The following GPHN variants were observed in gnomAD, a reference collection of about 807,000 sequenced individuals.
GPHN encodes gephyrin.
In GPHN, 17 loss-of-function variants were observed where a neutral mutation model predicts 95.5. The observed-to-expected ratio is 0.18, with a 90% CI of 0.12 to 0.27. GPHN has a LOEUF of 0.27. Among genes scored for constraint, GPHN ranks in the 10% least tolerant of loss-of-function variants. The pLI is 1.00. For missense variants in GPHN, 660 were observed against 978.1 expected (o/e 0.67, Z 4.34); for synonymous variants, 320 against 322.5 (o/e 0.99, Z 0.08).
chr14:67,583,073 AAG>A, the GPHN span, among the ~76,000 whole-genome samples: 1 of 152,182 alleles, frequency 6.6e-6, no homozygotes, highest in East Asian at 1.9e-4. Flanking sequence ...TGACTCCCAT[AAG>A]AGAGTCTGAC....
chr14:67,386,716 G>A, the GPHN span, among the ~76,000 whole-genome samples: 7 of 152,176 alleles, frequency 4.6e-5, no homozygotes, highest in Non-Finnish European at 1.0e-4. Context: ...GAAAAGCTAT[G>A]TAATGTATTT....
chr14:67,280,240 CTTAG>C, the GPHN span, among the ~76,000 whole-genome samples: 1 of 152,160 alleles, frequency 6.6e-6, no homozygotes, highest in African/African-American at 2.4e-5. Context: ...TGTTTCCAAA[CTTAG>C]AATATTTAAT....
intron 6 of GPHN, among the ~76,000 whole-genome samples, chr14:66,919,086 A>G (rs1596369238): frequency 6.6e-6 from 1 of 152,176 alleles, no homozygotes; most frequent in Non-Finnish European, 1.5e-5. Flanking sequence ...GCAGCAGATT[A>G]TATTAACTTT....
chr14:67,010,674 A>T (rs1243991777), intron 9 of GPHN, among the ~76,000 whole-genome samples: 1 of 152,202 alleles, frequency 6.6e-6, no homozygotes, highest in East Asian at 1.9e-4. Flanking sequence ...GGAATTTTTT[A>T]AAACATGTGG....
chr14:66,734,290 A>G (rs1296547485), intron 2 of GPHN, among the ~76,000 whole-genome samples: 2 of 151,934 alleles, frequency 1.3e-5, no homozygotes, highest in Non-Finnish European at 2.9e-5. Flanking sequence ...TCATCTCATC[A>G]CCATTTTATT....
chr14:67,218,163 G>A, the GPHN span, among the ~76,000 whole-genome samples: 1 of 152,222 alleles, frequency 6.6e-6, no homozygotes, highest in African/African-American at 2.4e-5. Flanking sequence ...CATACACACA[G>A]TGGGTTGGCC....
At chr14:66,683,376 A>ATG in intron 2 of GPHN, among the ~76,000 whole-genome samples, 1 of 123,066 alleles carries the variant, frequency 8.1e-6, no homozygotes, top group African/African-American at 3.7e-5. Context: ...ATATATATAT[A>ATG]TATGTTCATA....
At chr14:66,629,101 A>G (rs948035864) in intron 1 of GPHN, among the ~76,000 whole-genome samples, 65 of 137,176 alleles carry the variant, frequency 4.7e-4, no homozygotes, top group African/African-American at 1.6e-3. Context: ...ATATAAATAT[A>G]TATTTATATA....
chr14:66,626,122 A>G (rs990515676), intron 1 of GPHN, among the ~76,000 whole-genome samples: 3 of 152,152 alleles, frequency 2.0e-5, no homozygotes, highest in Admixed American at 6.5e-5. Context: ...TTAACTTTCA[A>G]TTAATACCCC....
At chr14:67,263,591 C>A in the GPHN span, among the ~76,000 whole-genome samples, 1 of 152,146 alleles carries the variant, frequency 6.6e-6, no homozygotes, top group Admixed American at 6.5e-5. Flanking sequence ...ATAATGGCAA[C>A]AGTTAAATGC....
intron 1 of GPHN, among the ~76,000 whole-genome samples, chr14:66,524,299 CT>C (rs1383834888): frequency 6.6e-6 from 1 of 151,862 alleles, no homozygotes; most frequent in African/African-American, 2.4e-5. Context: ...AGTAGAGGAA[CT>C]TTAAATTAGT....
rs1046425759 is a variant in GPHN at position 66,629,107 on chromosome 14, A to T, written c.65-52000A>T. On this transcript the variant is annotated intron_variant, in intron 1 of 22. Transcript: ENST00000478722. ...TATATATATATATAAATATATATTT[A>T]TATACATATATAAATATGTATATAA... 1.4e-4 allele frequency among the ~76,000 whole-genome samples: 20 copies of T among 138,514 alleles called. No homozygotes were observed. In the South Asian group the frequency reaches 4.1e-3, roughly 29 times the overall value. 90.9% of individuals were successfully genotyped at this position (138,514 alleles called of 152,430 possible). A position where few individuals can be genotyped will look rare whatever the true frequency, so the allele number is the denominator to read the frequency against.
At chr14:67,086,266 C>T (rs1180766922) in intron 11 of GPHN, among the ~76,000 whole-genome samples, 1 of 152,134 alleles carries the variant, frequency 6.6e-6, no homozygotes, top group Non-Finnish European at 1.5e-5. Context: ...AATTTTTTAA[C>T]TTGCAACTTT....
the GPHN span, among the ~76,000 whole-genome samples, chr14:67,288,315 C>T: frequency 6.6e-6 from 1 of 152,112 alleles, no homozygotes; most frequent in South Asian, 2.1e-4. Flanking sequence ...CTCCTGACCT[C>T]AGGTGATCTG....
At chr14:67,217,281 T>G in the GPHN span, among the ~76,000 whole-genome samples, 1 of 152,126 alleles carries the variant, frequency 6.6e-6, no homozygotes. Flanking sequence ...TTCTTCACTT[T>G]CAGTCTATAT....
At chr14:67,599,951 C>T in the GPHN span, 1 of 1,324,250 alleles carries the variant, frequency 7.6e-7, no homozygotes, top group South Asian at 1.4e-5. Flanking sequence ...CCGGGCTCGA[C>T]CAAAGACCCC....
At chr14:67,638,417 A>G in the GPHN span, among the ~76,000 whole-genome samples, 3 of 152,180 alleles carry the variant, frequency 2.0e-5, no homozygotes, top group Non-Finnish European at 4.4e-5. Context: ...ATACAGTAGT[A>G]AAACCCGGGC....
chr14:66,741,538 A>G (rs1422337420), intron 2 of GPHN, among the ~76,000 whole-genome samples: 1 of 152,176 alleles, frequency 6.6e-6, no homozygotes, highest in Non-Finnish European at 1.5e-5. Context: ...CCAGAGACAA[A>G]CAACTATAAA....
chr14:66,515,972 C>A (rs1259238594), intron 1 of GPHN, among the ~76,000 whole-genome samples: 2 of 151,740 alleles, frequency 1.3e-5, no homozygotes, highest in South Asian at 2.1e-4. Context: ...CAAGTACAAG[C>A]ACCAAAACTG....
Sources: allele counts gnomAD v4.1 joint callset (sites outside exome capture counted in the v4.1 genomes callset), GRCh38; gene constraint gnomAD v4.1.1; transcripts MANE v1.5; gene names NCBI Gene and HGNC (gene_info 2026-07-23, HGNC 2026-07-21).